MECR: variants seen among roughly 807,000 people sequenced by gnomAD.
MECR encodes mitochondrial trans-2-enoyl-CoA reductase.
MECR carries 37 observed loss-of-function variants against 49.1 expected under a neutral mutation model. The ratio of observed to expected loss-of-function variants is 0.75; its 90% CI spans 0.58 to 0.99. MECR has a LOEUF of 0.99. Ranked by LOEUF, MECR falls within the 50% of genes least tolerant of loss-of-function variation. The pLI is 0.00. For missense variants in MECR, 470 were observed against 479.6 expected, an observed-to-expected ratio of 0.98 and a Z score of 0.19; for synonymous variants, 198 against 191.1, an observed-to-expected ratio of 1.04 and a Z score of -0.30.
At position 29,201,293 on chromosome 1, in the gene MECR, A is replaced by G. The variant is rs1158194438; in HGVS notation, c.756+650T>C. 1.3e-5 allele frequency: 6 copies of G among 471,858 alleles called. No homozygotes were observed. The highest frequency in any genetic ancestry group is 9.7e-5 in the South Asian group (6 of 61,660). The allele number at this position is 471,858 out of a possible 1,614,324, so 29.2% of individuals were successfully genotyped here. ...GATCTACTGCTTCAGAAATGTTCGCAAGAAGCGCATGCTCTTGAGTGTGTG... is the reference window on the plus strand; with the variant it reads ...GATCTACTGCTTCAGAAATGTTCGCGAGAAGCGCATGCTCTTGAGTGTGTG... On this transcript the variant is annotated intron_variant, in intron 6 of 9. Coordinates refer to ENST00000263702, the MANE Select transcript of MECR (RefSeq NM_016011.5). This position sits in a 1 kb window ranked among gnomAD's most constrained non-coding sequence, Gnocchi z 4.3.
chr1:29,203,577 A>G (rs1210001214), intron 4 of MECR, among the ~76,000 whole-genome samples: 1 of 152,200 alleles, frequency 6.6e-6, no homozygotes, highest in African/African-American at 2.4e-5. Context: ...TTGGTTTGCA[A>G]TGTTTCCCTC....
At chr1:29,225,179 A>AG in intron 1 of MECR, among the ~76,000 whole-genome samples, 1 of 152,208 alleles carries the variant, frequency 6.6e-6, no homozygotes, top group Non-Finnish European at 1.5e-5. Context: ...CTGTGATCTA[A>AG]GGGTAGTCCC....
the MECR span, chr1:29,181,557 G>C: frequency 1.7e-6 from 2 of 1,185,656 alleles, no homozygotes; most frequent in Non-Finnish European, 2.3e-6. Context: ...GCTCCGCGCG[G>C]ACCAGGCGTC....
At chr1:29,222,465 G>C (rs980886145) in intron 1 of MECR, among the ~76,000 whole-genome samples, 2 of 152,104 alleles carry the variant, frequency 1.3e-5, no homozygotes, top group Non-Finnish European at 2.9e-5. Context: ...CTAAGATTCT[G>C]ACTACACGTT....
intron 4 of MECR, among the ~76,000 whole-genome samples, chr1:29,206,553 G>C (rs1004554573): frequency 2.0e-5 from 3 of 152,094 alleles, no homozygotes; most frequent in Non-Finnish European, 4.4e-5. Flanking sequence ...AGCAGTTTTC[G>C]AGAGTGTACT....
At chr1:29,228,549 G>C (rs536466954) in intron 1 of MECR, among the ~76,000 whole-genome samples, 90 of 152,088 alleles carry the variant, frequency 5.9e-4, no homozygotes, top group Non-Finnish European at 1.1e-3. Context: ...ACAGGGTTTC[G>C]CCATGATCTG....
chr1:29,196,343 C>T, intron 7 of MECR, 85 bp from the exon 8 acceptor site: 1 of 1,226,980 alleles, frequency 8.2e-7, no homozygotes, highest in Non-Finnish European at 1.2e-6. Context: ...CTACTCCAAC[C>T]CTGGTTCCTT....
At position 29,193,953 on chromosome 1, in the gene MECR, C is replaced by G; in HGVS notation, c.*69G>C. The G allele has an allele frequency of 6.3e-7, 1 of 1,580,228 alleles. No homozygotes were observed. Among genetic ancestry groups the G allele is most frequent in the Non-Finnish European group, 8.6e-7 (1 of 1,158,930 alleles). On this transcript the variant is annotated 3_prime_UTR_variant, in exon 10 of 10. Coordinates refer to ENST00000263702, the MANE Select transcript of MECR (RefSeq NM_016011.5). ...AGTCTGGGGAAGGTGGGAGCCCCAA[C>G]TGAGGGGCCTGCACCCAGCCCCTCA...
At chr1:29,170,334 T>C in the MECR span, 5 of 152,316 alleles carry the variant, frequency 3.3e-5, 1 homozygote, top group South Asian at 1.0e-3. Flanking sequence ...TATCTGTTAT[T>C]CCTACTTAAA....
the MECR span, chr1:29,172,146 A>G: frequency 1.3e-5 from 2 of 152,192 alleles, no homozygotes; most frequent in Admixed American, 1.3e-4. Context: ...GTGACTTTTA[A>G]TAAAAAAAAA....
chr1:29,200,486 G>T (rs1361878389), intron 7 of MECR, 30 bp downstream of exon 7: 1 of 1,603,134 alleles, frequency 6.2e-7, no homozygotes, highest in South Asian at 1.1e-5. Context: ...GAGCTCTGGC[G>T]AGCTGGACCT....
chr1:29,174,627 A>AT, the MECR span, among the ~76,000 whole-genome samples: 1 of 151,546 alleles, frequency 6.6e-6, no homozygotes, highest in Non-Finnish European at 1.5e-5. Flanking sequence ...GAAAAAAAAA[A>AT]GGAGTCAGGA....
At chr1:29,224,347 G>A (rs1485606992) in intron 1 of MECR, 1 of 152,174 alleles carries the variant, frequency 6.6e-6, no homozygotes, top group Non-Finnish European at 1.5e-5. Flanking sequence ...GCCAAGAGGG[G>A]GTCCTTGGTA....
intron 1 of MECR, among the ~76,000 whole-genome samples, chr1:29,222,186 C>T (rs1680932759): frequency 2.0e-5 from 3 of 152,138 alleles, no homozygotes; most frequent in Admixed American, 6.5e-5. Context: ...CTCCGCCTCC[C>T]GGGTTCAAGG....
At chr1:29,167,937 T>A in the MECR span, among the ~76,000 whole-genome samples, 1 of 151,786 alleles carries the variant, frequency 6.6e-6, no homozygotes, top group Non-Finnish European at 1.5e-5. Flanking sequence ...AAGGAGCTCA[T>A]GAGTGAAGGA....
intron 1 of MECR, chr1:29,220,797 A>T: frequency 1.9e-6 from 1 of 539,392 alleles, no homozygotes; most frequent in Non-Finnish European, 2.4e-6. Context: ...TCACGGGATT[A>T]AATGAGTTAA....
intron 1 of MECR, chr1:29,223,043 C>G: frequency 1.0e-6 from 1 of 971,750 alleles, no homozygotes; most frequent in Admixed American, 6.1e-5. Flanking sequence ...AAAAAACAAA[C>G]AAACAAAACT....
At chr1:29,207,756 CA>C (rs1227329200) in intron 3 of MECR, among the ~76,000 whole-genome samples, 5 of 151,866 alleles carry the variant, frequency 3.3e-5, no homozygotes, top group Non-Finnish European at 5.9e-5. Context: ...ACCCAAAAAA[CA>C]AAAAACAAAC....
the MECR span, among the ~76,000 whole-genome samples, chr1:29,176,794 A>G: frequency 6.6e-6 from 1 of 152,242 alleles, no homozygotes; most frequent in Admixed American, 6.5e-5. Flanking sequence ...GGTAATAATT[A>G]GATAGCATGA....
Sources: allele counts gnomAD v4.1 joint callset (sites outside exome capture counted in the v4.1 genomes callset), GRCh38; gene constraint gnomAD v4.1.1; non-coding constraint Gnocchi (gnomAD v3.1); transcripts MANE v1.5; gene names NCBI Gene and HGNC (gene_info 2026-07-23, HGNC 2026-07-21).